Variants in FER observed in about 807,000 individuals in gnomAD.
FER encodes FER tyrosine kinase, also known as tyrosine-protein kinase Fer.
A neutral mutation model predicts 111.0 loss-of-function variants in FER; 63 were observed. The observed-to-expected ratio is 0.57, with a 90% CI of 0.46 to 0.70. The LOEUF is 0.70. Ranked by LOEUF, FER falls within the 30% of genes least tolerant of loss-of-function variation. The pLI, the probability that FER is intolerant of heterozygous loss-of-function variation, is 0.00. For missense variants in FER, 914 were observed against 954.0 expected, an observed-to-expected ratio of 0.96 and a Z score of 0.55; for synonymous variants, 327 against 313.9, an observed-to-expected ratio of 1.04 and a Z score of -0.44.
chr5:108,814,030 T>C (rs1449941905), intron 3 of FER, among the ~76,000 whole-genome samples: 1 of 152,176 alleles, frequency 6.6e-6, no homozygotes, highest in Non-Finnish European at 1.5e-5. Flanking sequence ...TTATATCTTG[T>C]ATCTTTTGAC....
chr5:108,924,546 TAGG>T (rs1753485682), intron 10 of FER: 73 of 1,167,086 alleles, frequency 6.3e-5, no homozygotes, highest in Non-Finnish European at 7.7e-5. Flanking sequence ...TAGTATGAAA[TAGG>T]AGATCCAGAT....
At chr5:108,818,569 C>A (rs1758513282) in intron 3 of FER, among the ~76,000 whole-genome samples, 1 of 152,112 alleles carries the variant, frequency 6.6e-6, no homozygotes, top group South Asian at 2.1e-4. Flanking sequence ...TTTAAAATCT[C>A]AAATTAGTAA....
intron 3 of FER, among the ~76,000 whole-genome samples, chr5:108,823,987 T>G (rs1759172740): frequency 6.6e-6 from 1 of 152,148 alleles, no homozygotes; most frequent in Non-Finnish European, 1.5e-5. Context: ...TTTCATTCTC[T>G]TACATGTGGA....
intron 5 of FER, 127 bp downstream of exon 5, chr5:108,835,934 C>A: frequency 2.0e-6 from 1 of 500,556 alleles, no homozygotes; most frequent in Non-Finnish European, 3.5e-6. Flanking sequence ...AAAATAAACC[C>A]ACATTGGCTA....
At chr5:109,049,183 G>T (rs895507493) in intron 16 of FER, among the ~76,000 whole-genome samples, 4 of 152,156 alleles carry the variant, frequency 2.6e-5, no homozygotes, top group African/African-American at 9.7e-5. Flanking sequence ...ATCACAACCT[G>T]AGGGCTTAAA....
chr5:109,033,725 A>T (rs886880202), intron 13 of FER, among the ~76,000 whole-genome samples: 5 of 152,150 alleles, frequency 3.3e-5, no homozygotes, highest in African/African-American at 4.8e-5. Flanking sequence ...TTGCCTCTCT[A>T]TCAACACTTC....
chr5:108,893,647 A>G (rs1396277547), intron 9 of FER, among the ~76,000 whole-genome samples: 1 of 152,080 alleles, frequency 6.6e-6, no homozygotes, highest in Non-Finnish European at 1.5e-5. Context: ...ATTCTAGGTG[A>G]CAGTGTCCCC....
chr5:109,035,994 T>A (rs1380571827), intron 13 of FER, among the ~76,000 whole-genome samples: 1 of 152,212 alleles, frequency 6.6e-6, no homozygotes, highest in Non-Finnish European at 1.5e-5. Flanking sequence ...TTTCTTGAGC[T>A]GGGTTCTTTG....
chr5:108,941,103 T>TCAGCTTTA (rs1336755155), intron 10 of FER, among the ~76,000 whole-genome samples: 7 of 152,128 alleles, frequency 4.6e-5, no homozygotes, highest in African/African-American at 1.7e-4. Context: ...CTAAAGCTGG[T>TCAGCTTTA]GGATCAGCTT....
chr5:108,924,157 G>C (rs1193655602), intron 10 of FER, among the ~76,000 whole-genome samples: 1 of 151,986 alleles, frequency 6.6e-6, no homozygotes, highest in African/African-American at 2.4e-5. Context: ...AGGAGTTCGA[G>C]ACTAGCCTGG....
chr5:108,933,568 GC>G (rs1248760560), intron 10 of FER, among the ~76,000 whole-genome samples: 1 of 152,080 alleles, frequency 6.6e-6, no homozygotes, highest in Non-Finnish European at 1.5e-5. Context: ...GATTATCTTG[GC>G]TGTATAGGCT....
At chr5:108,927,611 C>G (rs554481199) in intron 10 of FER, among the ~76,000 whole-genome samples, 1 of 152,208 alleles carries the variant, frequency 6.6e-6, no homozygotes, top group South Asian at 2.1e-4. Context: ...ATGTGAAAGT[C>G]TTTGTGTTTT....
chr5:108,787,003 C>T (rs1483158489), intron 2 of FER, among the ~76,000 whole-genome samples: 6 of 152,114 alleles, frequency 3.9e-5, no homozygotes, highest in Non-Finnish European at 5.9e-5. Context: ...GGGCTGCACC[C>T]ATCGGGGCTG....
At chr5:108,847,003 A>G (rs545863855) in intron 5 of FER, among the ~76,000 whole-genome samples, 28 of 151,712 alleles carry the variant, frequency 1.8e-4, no homozygotes, top group Admixed American at 1.4e-3. Flanking sequence ...CTACTTTAAC[A>G]CTTTCTGCTT....
chr5:108,992,481 C>A (rs547873513), intron 13 of FER, among the ~76,000 whole-genome samples: 1 of 148,782 alleles, frequency 6.7e-6, no homozygotes, highest in Non-Finnish European at 1.5e-5. Context: ...ACCTCCCGGA[C>A]GGGGTGGCTG....
intron 2 of FER, among the ~76,000 whole-genome samples, chr5:108,788,466 A>G (rs528134668): frequency 6.6e-6 from 1 of 151,458 alleles, no homozygotes; most frequent in African/African-American, 2.4e-5. Context: ...ACCCAAGCAG[A>G]GGCACCACTG....
intron 13 of FER, among the ~76,000 whole-genome samples, chr5:109,027,957 A>G (rs1481825406): frequency 6.6e-6 from 1 of 152,212 alleles, no homozygotes; most frequent in African/African-American, 2.4e-5. Context: ...TGTTTTCATT[A>G]AAAGTACTAT....
chr5:108,800,128 C>A (rs1756475304), intron 3 of FER, among the ~76,000 whole-genome samples: 1 of 152,148 alleles, frequency 6.6e-6, no homozygotes, highest in Non-Finnish European at 1.5e-5. Context: ...CATCTGACCT[C>A]ATAAATCTTG....
intron 13 of FER, among the ~76,000 whole-genome samples, chr5:108,991,616 T>C (rs1275990977): frequency 6.6e-6 from 1 of 151,252 alleles, no homozygotes; most frequent in Admixed American, 6.6e-5. Flanking sequence ...GCAGATAAAC[T>C]TTTTTTTCTG....
Sources: gnomAD v4.1 joint callset for allele counts (sites outside exome capture counted in the v4.1 genomes callset) on GRCh38, gnomAD v4.1.1 for gene constraint, MANE v1.5 for transcripts, NCBI Gene and HGNC (gene_info 2026-07-23, HGNC 2026-07-21) for gene names.